RNF31: variants seen among roughly 807,000 people sequenced by gnomAD.
RNF31 encodes the protein E3 ubiquitin-protein ligase RNF31.
Under a neutral mutation model 133.6 loss-of-function variants are expected in RNF31, and 38 were observed. The observed-to-expected ratio is 0.28, with a 90% CI of 0.22 to 0.37. The LOEUF is 0.37. Ranked by LOEUF, RNF31 falls within the 10% of genes least tolerant of loss-of-function variation. The pLI is 1.00. For missense variants in RNF31, 1,118 were observed against 1,394.1 expected, an observed-to-expected ratio of 0.80 and a Z score of 3.15; for synonymous variants, 582 against 552.3, an observed-to-expected ratio of 1.05 and a Z score of -0.75.
At position 24,159,923 on chromosome 14, in the gene RNF31, G is replaced by T; in HGVS notation, c.2959G>T (p.Gly987Cys). 1 of 1,614,100 alleles carries T rather than the reference G, an allele frequency of 6.2e-7. No individual in the cohort carries two copies. Among genetic ancestry groups the T allele is most frequent in the South Asian group, 1.1e-5 (1 of 91,076 alleles). Residue 987 changes from glycine (G) to cysteine (C), a missense_variant, in exon 19 of 21, where the codon GGC becomes TGC. Transcript: ENST00000324103. ...CAATGGGCTCAGGGACGAAGCTTGT[G>T]GCAAGGAAACTCCAGCTGGCTATGC... is the stretch of plus-strand genomic sequence containing the variant. ...VPNGLRDEAC[G>C]KETPAGYAGL...
chr14:24,148,358 C>T lies in RNF31; in HGVS notation c.440C>T (p.Ala147Val). The change falls in exon 3 of 21, where the codon GCT (alanine) becomes GTT (valine). Residue 147 changes from alanine (A) to valine (V), a missense_variant. Transcript: ENST00000324103. ...GQEEPDEHQV[A>V]TVTLEVLLLR... is the part of the protein sequence containing the mutation. Reference sequence around the variant, plus strand: ...GAGGAGCCAGATGAGCACCAGGTTGCTACAGTCACACTGGAAGTACTGCTG... The same window carrying T: ...GAGGAGCCAGATGAGCACCAGGTTGTTACAGTCACACTGGAAGTACTGCTG... The T allele has an allele frequency of 3.7e-6, 6 of 1,614,174 alleles. No individual in the cohort carries two copies. Among genetic ancestry groups the T allele is most frequent in the Non-Finnish European group, 4.2e-6 (5 of 1,180,000 alleles).
chr14:24,149,833 A>G (rs2038235765), intron 6 of RNF31, among the ~76,000 whole-genome samples: 1 of 152,200 alleles, frequency 6.6e-6, no homozygotes, highest in Non-Finnish European at 1.5e-5. Context: ...TATTTTAAAC[A>G]CCTAGTGTAG....
chr14:24,152,958 G>A lies in RNF31; in HGVS notation c.2130+966G>A, dbSNP rs540433593. Among the ~76,000 whole-genome samples the A allele has an allele frequency of 4.3e-4, 66 of 152,124 alleles. 1 individual carries two copies. Among genetic ancestry groups the A allele is most frequent in the Non-Finnish European group, 1.5e-5 (1 of 68,020 alleles). ...TAGCCAGGTGTGGTGGCAGGCGCCT[G>A]TAGTCCCAGCTACTCAGGAGGCTGA... On this transcript the variant is annotated intron_variant, in intron 11 of 20. Coordinates refer to ENST00000324103, the MANE Select transcript of RNF31 (RefSeq NM_017999.5).
Position 24,148,252 on chromosome 14 carries a change from T to G in RNF31, c.340-6T>G, listed in dbSNP as rs746912596. 7 of 1,614,094 alleles carry G rather than the reference T, an allele frequency of 4.3e-6. No individual in the cohort carries two copies. In the Admixed American group the frequency reaches 1.2e-4, roughly 27 times the overall value. Reference sequence around the variant, plus strand: ...CTGGGTGGTGACTCGTTTGAATGTGTGGCAGGGGGGCCGAGATGTGCTGCG... The same window carrying G: ...CTGGGTGGTGACTCGTTTGAATGTGGGGCAGGGGGGCCGAGATGTGCTGCG... On this transcript the variant is annotated splice_polypyrimidine_tract_variant and splice_region_variant and intron_variant, in intron 2 of 20. Transcript: ENST00000324103.
Position 24,151,554 on chromosome 14 carries a change from G to C in RNF31, c.1807G>C (p.Gly603Arg). ...TCTCCAGGCATTGTTCCAGCACGGA[G>C]GTGATGTGTCACGGGCCCTGACTGA... ...GSLQALFQHGGDVSRALTELQ... is the reference protein window; with the variant it reads ...GSLQALFQHGRDVSRALTELQ... Residue 603 changes from glycine to arginine, a missense_variant, in exon 10 of 21, where the codon GGT becomes CGT. Physicochemically the swap from Gly to Arg is moderately radical, Grantham distance 125. Around this residue, in one of 3 missense-constraint regions of RNF31, gnomAD observed 747 missense variants for 827.9 expected, o/e 0.90. Transcript: ENST00000324103. The surrounding 1 kb of genome is among the most constrained non-coding windows in gnomAD (Gnocchi z 5.3). The C allele has an allele frequency of 6.2e-7, 1 of 1,614,192 alleles. No individual in the cohort carries two copies. Among genetic ancestry groups the C allele is most frequent in the Non-Finnish European group, 8.5e-7 (1 of 1,180,032 alleles).
chr14:24,153,180 C>T (rs1002672305), intron 11 of RNF31, among the ~76,000 whole-genome samples: 2 of 152,092 alleles, frequency 1.3e-5, no homozygotes, highest in African/African-American at 4.8e-5. Flanking sequence ...CATGATGCCT[C>T]ATGCCTGTAA....
At position 24,148,865 on chromosome 14, in the gene RNF31, C is replaced by A. The variant is rs763692830; in HGVS notation, c.620C>A (p.Pro207His). 9.9e-6 allele frequency: 16 copies of A among 1,614,016 alleles called. No individual in the cohort carries two copies. The highest frequency in any genetic ancestry group is 1.3e-5 in the African/African-American group (1 of 75,056). ...ATTGCTCCTGGCCCCCTCACCACAC[C>A]CTCTGTCCCAGGTATTATTGGTCCT... ...REIAPGPLTT[P>H]SVPGSTPGPC... Residue 207 changes from proline (P) to histidine (H), a missense_variant, in exon 5 of 21, where the codon CCC (proline) becomes CAC (histidine). Transcript: ENST00000324103.
At chr14:24,154,996 GT>G in intron 11 of RNF31, 160 bp from the exon 12 acceptor site, 1 of 653,648 alleles carries the variant, frequency 1.5e-6, no homozygotes, top group Non-Finnish European at 2.6e-6. Context: ...GTCTTCAGAT[GT>G]TTACGTTGCC....
chr14:24,151,769 C>T lies in RNF31; in HGVS notation c.1924-17C>T, dbSNP rs201886845. ...AGTCTGACAGCACTTCCCCCCTCCA[C>T]CTGAATCATATTGCAGAGCCTGGTC... is the stretch of plus-strand genomic sequence containing the variant. On this transcript the variant is annotated splice_polypyrimidine_tract_variant and intron_variant, in intron 10 of 20. Coordinates refer to ENST00000324103, the MANE Select transcript of RNF31 (RefSeq NM_017999.5). The surrounding 1 kb of genome is among the most constrained non-coding windows in gnomAD (Gnocchi z 5.3). 1.2e-4 allele frequency: 187 copies of T among 1,602,994 alleles called. No individual in the cohort carries two copies. The African/African-American group carries it at 2.2e-3, about 19-fold the overall frequency.
In RNF31 at chr14:24,160,181, G is replaced by A; in HGVS notation, c.2997-58G>A. The A allele has an allele frequency of 6.4e-7, 1 of 1,561,994 alleles. No homozygotes were observed. The highest frequency in any genetic ancestry group is 8.7e-7 in the Non-Finnish European group (1 of 1,151,304). On this transcript the variant is annotated intron_variant, in intron 19 of 20. Transcript: ENST00000324103. This position sits in a 1 kb window ranked among gnomAD's most constrained non-coding sequence, Gnocchi z 4.0. ...GGTGTCTCAGAGTCCAGCTATGTTA[G>A]ACACACTCAGTTAATATTAGCCAAC... is the stretch of plus-strand genomic sequence containing the variant.
chr14:24,158,075 T>A, intron 17 of RNF31, 64 bp downstream of exon 17: 1 of 1,611,288 alleles, frequency 6.2e-7, no homozygotes, highest in Non-Finnish European at 8.5e-7. Flanking sequence ...AAAGGCTCCG[T>A]GCTAGGAATT....
chr14:24,150,164 C>A lies in RNF31; in HGVS notation c.913C>A (p.His305Asn), dbSNP rs752501621. 1 of 1,614,116 alleles carries A rather than the reference C, an allele frequency of 6.2e-7. No individual in the cohort carries two copies. Among genetic ancestry groups the A allele is most frequent in the Non-Finnish European group, 8.5e-7 (1 of 1,179,982 alleles). ...PNPASAHLPW[H>N]CAACAMLNEP... ...TCCTGCAAGTGCTCATTTGCCCTGGCACTGTGCTGCCTGTGCCATGCTAAA... is the reference window on the plus strand; with the variant it reads ...TCCTGCAAGTGCTCATTTGCCCTGGAACTGTGCTGCCTGTGCCATGCTAAA... Residue 305 changes from histidine to asparagine, a missense_variant, in exon 7 of 21, where the codon CAC becomes AAC. His to Asn is a moderately conservative substitution (Grantham distance 68). Coordinates refer to ENST00000324103, the MANE Select transcript of RNF31 (RefSeq NM_017999.5).
Position 24,151,091 on chromosome 14 carries a change from G to T in RNF31, c.1489-40G>T, listed in dbSNP as rs745602959. ...CCATCTTAGTTCAGGCTGAGGGTGGGTGAAGGGTGCCCCTCCTGATGGGCG... is the reference window on the plus strand; with the variant it reads ...CCATCTTAGTTCAGGCTGAGGGTGGTTGAAGGGTGCCCCTCCTGATGGGCG... On this transcript the variant is annotated intron_variant, in intron 8 of 20. Coordinates refer to ENST00000324103, the MANE Select transcript of RNF31 (RefSeq NM_017999.5). This position sits in a 1 kb window ranked among gnomAD's most constrained non-coding sequence, Gnocchi z 5.3. 3 of 1,607,748 alleles carry T rather than the reference G, an allele frequency of 1.9e-6. No individual in the cohort carries two copies. The highest frequency in any genetic ancestry group is 1.7e-5 in the Admixed American group (1 of 59,866).
chr14:24,147,461 G>A (rs74735861), upstream of RNF31: 355 of 385,662 alleles, frequency 9.2e-4, 9 homozygotes, highest in East Asian at 0.012. Flanking sequence ...AGCCCCGCCC[G>A]TTCCTCCGAA....
Position 24,148,322 on chromosome 14 carries a change from C to T in RNF31, c.404C>T (p.Pro135Leu), listed in dbSNP as rs770593083. 21 of 1,614,060 alleles carry T rather than the reference C, an allele frequency of 1.3e-5. No individual in the cohort carries two copies. Among genetic ancestry groups the T allele is most frequent in the Non-Finnish European group, 1.8e-5 (21 of 1,180,052 alleles). The change falls in exon 3 of 21, where the codon CCC becomes CTC. Residue 135 changes from proline to leucine, a missense_variant. Physicochemically the swap from Pro to Leu is moderately conservative, Grantham distance 98. This residue lies in a region of RNF31 where 747 missense variants were observed against 827.9 expected (regional missense o/e 0.90). Transcript: ENST00000324103. The part of the protein sequence containing the change: ...TEEQPDGLSF[P>L]EGQEEPDEHQ... ...GAGCAACCAGATGGGTTGAGCTTCCCCGAAGGGCAGGAGGAGCCAGATGAG... is the reference window on the plus strand; with the variant it reads ...GAGCAACCAGATGGGTTGAGCTTCCTCGAAGGGCAGGAGGAGCCAGATGAG...
rs1231199885 is a variant in RNF31 at position 24,160,234 on chromosome 14, C to T, written c.2997-5C>T. 2 of 1,610,502 alleles carry T rather than the reference C, an allele frequency of 1.2e-6. No individual in the cohort carries two copies. Among genetic ancestry groups the T allele is most frequent in the Admixed American group, 3.3e-5 (2 of 59,914 alleles). ...AACAAATATTCTGCTCCCTTTTCTC[C>T]CCAGGGCACACTACAAAGAGTATCT... On this transcript the variant is annotated splice_region_variant and splice_polypyrimidine_tract_variant and intron_variant, in intron 19 of 20. Transcript: ENST00000324103. This position sits in a 1 kb window ranked among gnomAD's most constrained non-coding sequence, Gnocchi z 4.0.
chr14:24,155,918 G>A lies in RNF31; in HGVS notation c.2493+226G>A, dbSNP rs917895068. 1.3e-5 allele frequency among the ~76,000 whole-genome samples: 2 copies of A among 152,058 alleles called. No individual in the cohort carries two copies. Among genetic ancestry groups the A allele is most frequent in the African/African-American group, 4.8e-5 (2 of 41,422 alleles). ...AGGAGGAAGGAAGGAAGGAAAGAAA[G>A]TAAGCCAGAGGAACTAATTATACAT... On this transcript the variant is annotated intron_variant, in intron 14 of 20. Transcript: ENST00000324103. The surrounding 1 kb of genome is among the most constrained non-coding windows in gnomAD (Gnocchi z 4.9).
rs757098600 is a variant in RNF31, at chr14:24,157,996, T to C, written c.2826T>C (p.Leu942=). The change falls in exon 17 of 21, where the codon CTT becomes CTC. Residue 942 remains leucine (L), a synonymous_variant. Coordinates refer to ENST00000324103, the MANE Select transcript of RNF31 (RefSeq NM_017999.5). ...TGCGGGACTGGACTGCTCTCCGGCT[T>C]CAGAAGCTGCTACAGGTCAGAGGTG... The part of the protein sequence containing the change: ...FYLRDWTALR[L]QKLLQDNNVM... The C allele has an allele frequency of 3.1e-6, 5 of 1,613,952 alleles. No individual in the cohort carries two copies. The highest frequency in any genetic ancestry group is 1.7e-5 in the Admixed American group (1 of 60,000).
chr14:24,154,153 C>G (rs1171927565), intron 11 of RNF31, among the ~76,000 whole-genome samples: 1 of 152,026 alleles, frequency 6.6e-6, no homozygotes, highest in Non-Finnish European at 1.5e-5. Context: ...TGCAATCATG[C>G]CCGGCTAATT....
Sources: allele counts gnomAD v4.1 joint callset (sites outside exome capture counted in the v4.1 genomes callset), GRCh38; gene constraint gnomAD v4.1.1; regional missense constraint gnomAD v4.1.1; non-coding constraint Gnocchi (gnomAD v3.1); transcripts MANE v1.5; gene names NCBI Gene and HGNC (gene_info 2026-07-23, HGNC 2026-07-21).